The following SLC35F4 variants were observed in gnomAD, a reference collection of about 807,000 sequenced individuals.
The protein encoded by SLC35F4 is chromosome 14 open reading frame 36.
A neutral mutation model predicts 44.2 loss-of-function variants in SLC35F4; 24 were observed. The observed-to-expected ratio is 0.54, with a 90% confidence interval of 0.39 to 0.76. The LOEUF is 0.76. SLC35F4 is among the 30% of genes least tolerant of loss of function. The probability of loss-of-function intolerance (pLI) is 0.00; values close to 1 mark genes in which losing one functional copy is unlikely to be tolerated. For synonymous variants in SLC35F4, 238 were observed against 223.6 expected (o/e 1.06, Z -0.57); for missense variants, 562 against 586.1 (o/e 0.96, Z 0.42).
intron 1 of SLC35F4, among the ~76,000 whole-genome samples, chr14:57,705,199 T>C (rs7147560): frequency 0.047 from 7,152 of 152,110 alleles, 217 homozygotes; most frequent in South Asian, 0.082. Context: ...TGGAATTCAA[T>C]CCAGCAGTAG....
At chr14:57,650,039 C>T (rs761555931) in intron 1 of SLC35F4, among the ~76,000 whole-genome samples, 3 of 152,118 alleles carry the variant, frequency 2.0e-5, no homozygotes, top group Admixed American at 6.6e-5. Flanking sequence ...CCATATCCTC[C>T]TGGAGTTCCT....
chr14:57,778,412 A>C (rs542754732), intron 1 of SLC35F4, among the ~76,000 whole-genome samples: 1 of 152,216 alleles, frequency 6.6e-6, no homozygotes, highest in Admixed American at 6.5e-5. Flanking sequence ...TAAGGGTTCA[A>C]TTCAACAAGA....
chr14:57,643,811 C>G (rs905227425), intron 1 of SLC35F4, among the ~76,000 whole-genome samples: 1 of 152,068 alleles, frequency 6.6e-6, no homozygotes, highest in African/African-American at 2.4e-5. Flanking sequence ...TGTTCCCCTT[C>G]CTGTGTCCAT....
Position 57,663,055 on chromosome 14 carries a change from G to C in SLC35F4, c.104-68931C>G, listed in dbSNP as rs557070022. Among the ~76,000 whole-genome samples, 281 of 152,204 alleles carry C rather than the reference G, an allele frequency of 1.8e-3. 1 individual carries two copies. The highest frequency in any genetic ancestry group is 2.5e-3 in the Non-Finnish European group (169 of 68,014). The stretch of plus-strand genomic sequence containing the variant: ...CTGATTGCTTCATGTCTAAGAGTGG[G>C]AATTACTCCCTGCTTCACCATTTCT... On this transcript the variant is annotated intron_variant, in intron 1 of 7. Coordinates refer to ENST00000556826, the MANE Select transcript of SLC35F4 (RefSeq NM_001306087.2).
At chr14:57,668,155 T>C (rs574103079) in intron 1 of SLC35F4, among the ~76,000 whole-genome samples, 3,809 of 151,178 alleles carry the variant, frequency 0.025, 152 homozygotes, top group African/African-American at 0.087. Flanking sequence ...TCTGTTCATA[T>C]CCTTTGCCCA....
At chr14:57,971,172 G>A (rs1178740289) in intron 1 of SLC35F4, among the ~76,000 whole-genome samples, 2 of 152,170 alleles carry the variant, frequency 1.3e-5, no homozygotes, top group Non-Finnish European at 2.9e-5. Context: ...TAAGGCATTT[G>A]AAATGAGCAC....
At position 57,629,501 on chromosome 14, in the gene SLC35F4, GA is replaced by G. The variant is rs1409329390; in HGVS notation, c.104-35378del. Among the ~76,000 whole-genome samples, 4 of 152,146 alleles carry G rather than the reference GA, an allele frequency of 2.6e-5. No homozygotes were observed. In the South Asian group the frequency reaches 8.3e-4, roughly 32 times the overall value. On this transcript the variant is annotated intron_variant, in intron 1 of 7. Coordinates refer to ENST00000556826, the MANE Select transcript of SLC35F4 (RefSeq NM_001306087.2). ...AAGGAAGAACATACAATATCTTCCA[GA>G]AAAATATGGAGTTCAGTGCACAAAT...
At chr14:57,685,823 G>A (rs72711183) in intron 1 of SLC35F4, among the ~76,000 whole-genome samples, 1 of 152,088 alleles carries the variant, frequency 6.6e-6, no homozygotes, top group Non-Finnish European at 1.5e-5. Flanking sequence ...TTTTACTTAT[G>A]AGCAGTCGAG....
chr14:57,633,686 T>C (rs1269019701), intron 1 of SLC35F4, among the ~76,000 whole-genome samples: 1 of 152,010 alleles, frequency 6.6e-6, no homozygotes, highest in Non-Finnish European at 1.5e-5. Flanking sequence ...CCCTTTTTAG[T>C]CTCCCTCCTC....
chr14:57,879,517 G>T (rs922050141), intron 1 of SLC35F4, among the ~76,000 whole-genome samples: 3 of 152,006 alleles, frequency 2.0e-5, no homozygotes, highest in Non-Finnish European at 4.4e-5. Context: ...CCAACCATAC[G>T]CTTCAGCCAA....
intron 2 of SLC35F4, among the ~76,000 whole-genome samples, chr14:57,590,017 G>T (rs978665146): frequency 6.6e-6 from 1 of 151,972 alleles, no homozygotes; most frequent in African/African-American, 2.4e-5. Flanking sequence ...CCCAGCCAAA[G>T]CTGCTCTGTA....
chr14:57,593,817 C>CT, intron 2 of SLC35F4, 122 bp downstream of exon 2: 1 of 1,058,584 alleles, frequency 9.4e-7, no homozygotes. Flanking sequence ...CTTGATAAAG[C>CT]TTCCCCACAT....
chr14:57,881,453 A>G (rs984475381), intron 1 of SLC35F4, among the ~76,000 whole-genome samples: 10 of 152,170 alleles, frequency 6.6e-5, no homozygotes, highest in African/African-American at 2.4e-4. Flanking sequence ...GCATGGTGTC[A>G]ATATAGTTGA....
chr14:57,899,379 A>G (rs1888951094), intron 1 of SLC35F4, among the ~76,000 whole-genome samples: 1 of 150,930 alleles, frequency 6.6e-6, no homozygotes, highest in African/African-American at 2.4e-5. Context: ...GCTCATAACC[A>G]GCAGTACTGC....
At chr14:57,916,961 G>A (rs1399879696) in intron 1 of SLC35F4, among the ~76,000 whole-genome samples, 1 of 152,030 alleles carries the variant, frequency 6.6e-6, no homozygotes, top group Non-Finnish European at 1.5e-5. Flanking sequence ...TAGAGTTTTT[G>A]ATCTCCATTA....
chr14:57,795,987 T>C (rs1326800515), intron 1 of SLC35F4, among the ~76,000 whole-genome samples: 1 of 152,124 alleles, frequency 6.6e-6, no homozygotes, highest in Non-Finnish European at 1.5e-5. Flanking sequence ...GTGTCACTTG[T>C]TTCCTTGTGT....
At chr14:57,931,296 C>T (rs980782545) in intron 1 of SLC35F4, among the ~76,000 whole-genome samples, 1 of 152,152 alleles carries the variant, frequency 6.6e-6, no homozygotes, top group African/African-American at 2.4e-5. Flanking sequence ...TTTTCCAGTG[C>T]CTTTATCCAT....
chr14:57,726,286 T>C (rs983975611), intron 1 of SLC35F4, among the ~76,000 whole-genome samples: 1 of 151,848 alleles, frequency 6.6e-6, no homozygotes, highest in East Asian at 1.9e-4. Flanking sequence ...GGAATGAAGG[T>C]TTGGGTCACT....
intron 1 of SLC35F4, among the ~76,000 whole-genome samples, chr14:57,615,699 T>C (rs1178772189): frequency 2.0e-5 from 3 of 152,184 alleles, no homozygotes; most frequent in Non-Finnish European, 4.4e-5. Flanking sequence ...TTCAGTAGGT[T>C]ATGTGATAAA....
Sources: gnomAD v4.1 joint callset for allele counts (sites outside exome capture counted in the v4.1 genomes callset) on GRCh38, gnomAD v4.1.1 for gene constraint, MANE v1.5 for transcripts, NCBI Gene and HGNC (gene_info 2026-07-23, HGNC 2026-07-21) for gene names.